Variants in KIFAP3 observed in about 807,000 individuals in gnomAD.
KIFAP3 encodes kinesin associated protein 3.
KIFAP3 carries 68 observed loss-of-function variants against 106.5 expected under a neutral mutation model. The ratio of observed to expected loss-of-function variants is 0.64; its 90% confidence interval spans 0.53 to 0.78. The LOEUF is 0.78. KIFAP3 is among the 30% of genes least tolerant of loss of function. KIFAP3 has a pLI of 0.00. For synonymous variants in KIFAP3, 320 were observed against 311.5 expected (o/e 1.03, Z -0.29); for missense variants, 780 against 941.8 (o/e 0.83, Z 2.25).
At chr1:170,065,357 T>C (rs892499612) in intron 1 of KIFAP3, among the ~76,000 whole-genome samples, 1 of 152,050 alleles carries the variant, frequency 6.6e-6, no homozygotes, top group African/African-American at 2.4e-5. Context: ...CTCACGCCTG[T>C]AATCCCAGCA....
Position 169,961,136 on chromosome 1 carries a change from T to G in KIFAP3, c.2083A>C (p.Ser695Arg). The G allele has an allele frequency of 6.2e-7, 1 of 1,613,754 alleles. No homozygotes were observed. Among genetic ancestry groups the G allele is most frequent in the Non-Finnish European group, 8.5e-7 (1 of 1,179,752 alleles). Reference sequence around the variant, plus strand: ...TCATCACCATACAAGTACTGCTCACTCTCATCCATCTGACGACTCTCTACC... The same window carrying G: ...TCATCACCATACAAGTACTGCTCACGCTCATCCATCTGACGACTCTCTACC... ...EMVESRQMDE[S>R]EQYLYGDDRI... The change falls in exon 18 of 20, where the codon AGT becomes CGT. Residue 695 changes from serine to arginine, a missense_variant. Physicochemically the swap from Ser to Arg is moderately radical, Grantham distance 110 (BLOSUM62 -1). This residue lies in a region of KIFAP3 where 114 missense variants were observed against 122.3 expected (regional missense o/e 0.93). Transcript: ENST00000361580.
intron 11 of KIFAP3, 104 bp from the exon 12 acceptor site, chr1:169,984,794 G>A: frequency 1.7e-6 from 1 of 580,998 alleles, no homozygotes; most frequent in South Asian, 2.5e-5. Context: ...TTGTACATTG[G>A]GCATAATATA....
chr1:169,973,105 G>GTGTATATATATATATA (rs145406203), intron 16 of KIFAP3, among the ~76,000 whole-genome samples: 21,228 of 89,748 alleles, frequency 0.24, 3,971 homozygotes, highest in East Asian at 0.61. Context: ...AAAATAGTGT[G>GTGTATATATATATATA]TATATATATA....
intron 19 of KIFAP3, among the ~76,000 whole-genome samples, chr1:169,941,655 A>T (rs1664125791): frequency 6.6e-6 from 1 of 152,162 alleles, no homozygotes; most frequent in Non-Finnish European, 1.5e-5. Flanking sequence ...TAATATAAAT[A>T]TACAATAAAA....
At chr1:170,075,767 C>A (rs1571780237), upstream of KIFAP3, among the ~76,000 whole-genome samples, 1 of 152,284 alleles carries the variant, frequency 6.6e-6, no homozygotes, top group East Asian at 1.9e-4. Context: ...CTGTATCATG[C>A]CCTCTTACTA....
At chr1:169,943,902 T>C (rs566940382) in intron 19 of KIFAP3, among the ~76,000 whole-genome samples, 42 of 152,340 alleles carry the variant, frequency 2.8e-4, no homozygotes, top group African/African-American at 9.6e-4. Flanking sequence ...ATAATTGACA[T>C]GTTAACATTT....
intron 15 of KIFAP3, 113 bp downstream of exon 15, chr1:169,981,859 G>C: frequency 1.2e-6 from 1 of 831,146 alleles, no homozygotes; most frequent in Non-Finnish European, 1.8e-6. Context: ...AAGTTGCTAT[G>C]AAACAATTAA....
At chr1:169,936,675 A>C (rs903397652) in intron 19 of KIFAP3, among the ~76,000 whole-genome samples, 4 of 151,720 alleles carry the variant, frequency 2.6e-5, no homozygotes, top group Non-Finnish European at 4.4e-5. Context: ...GTATAAGAAG[A>C]TACTAAAGGT....
At chr1:169,976,790 C>T (rs1000972981) in intron 16 of KIFAP3, among the ~76,000 whole-genome samples, 35 of 152,296 alleles carry the variant, frequency 2.3e-4, no homozygotes, top group African/African-American at 7.7e-4. Flanking sequence ...AATCATAGCT[C>T]ACTGCAGCCT....
At chr1:170,055,696 G>GA (rs968487057) in intron 1 of KIFAP3, among the ~76,000 whole-genome samples, 1 of 151,352 alleles carries the variant, frequency 6.6e-6, no homozygotes, top group Non-Finnish European at 1.5e-5. Context: ...TTCTACCTAA[G>GA]AAAAAAAATA....
rs1361338751 is a variant in KIFAP3, at chr1:169,973,124, A to ATATATATAG, written c.1898-527_1898-526insCTATATATA. Among the ~76,000 whole-genome samples the ATATATATAG allele has an allele frequency of 3.5e-4, 17 of 48,734 alleles. 1 individual carries two copies. Among genetic ancestry groups the ATATATATAG allele is most frequent in the African/African-American group, 8.6e-4 (9 of 10,426 alleles). The allele number at this position is 48,734 out of a possible 152,430, so 32.0% of individuals were successfully genotyped here. A position where few individuals can be genotyped will look rare whatever the true frequency, so the allele number is the denominator to read the frequency against. ...TAGTGTGTATATATATATATATATA[A>ATATATATAG]ACAACACAAATCAGGATTAGAAAAC... On this transcript the variant is annotated intron_variant, in intron 16 of 19. Coordinates refer to ENST00000361580, the MANE Select transcript of KIFAP3 (RefSeq NM_014970.4).
chr1:170,044,625 G>C (rs1670148989), intron 3 of KIFAP3, among the ~76,000 whole-genome samples: 3 of 152,190 alleles, frequency 2.0e-5, no homozygotes, highest in Non-Finnish European at 2.9e-5. Flanking sequence ...GCAGTGCCCA[G>C]AAGAGTTCCA....
chr1:170,010,990 A>G (rs1441778469), intron 10 of KIFAP3, among the ~76,000 whole-genome samples: 3 of 151,990 alleles, frequency 2.0e-5, no homozygotes, highest in Non-Finnish European at 2.9e-5. Context: ...ACTTGAACAT[A>G]TATCAAACAG....
At chr1:169,939,491 A>T (rs1036355246) in intron 19 of KIFAP3, among the ~76,000 whole-genome samples, 3 of 152,208 alleles carry the variant, frequency 2.0e-5, no homozygotes, top group African/African-American at 7.2e-5. Flanking sequence ...TGATAGCATA[A>T]GGAATAAGGA....
chr1:170,054,365 T>C lies in KIFAP3; in HGVS notation c.164+940A>G, dbSNP rs182521769. Reference sequence around the variant, plus strand: ...AGATGCTGCTCAGGCTGTGGAAAAATTGGAATTGGTTTAACTATTGTGGAA... The same window carrying C: ...AGATGCTGCTCAGGCTGTGGAAAAACTGGAATTGGTTTAACTATTGTGGAA... On this transcript the variant is annotated intron_variant, in intron 2 of 19. Transcript: ENST00000361580. Among the ~76,000 whole-genome samples the C allele has an allele frequency of 8.7e-4, 133 of 152,098 alleles. 3 individuals carry two copies. Among genetic ancestry groups the C allele is most frequent in the Non-Finnish European group, 2.5e-4 (17 of 67,970 alleles).
At chr1:170,060,265 C>T (rs1410593118) in intron 1 of KIFAP3, among the ~76,000 whole-genome samples, 1 of 152,162 alleles carries the variant, frequency 6.6e-6, no homozygotes, top group Non-Finnish European at 1.5e-5. Flanking sequence ...TAGAAAACCC[C>T]ATCGTCTCAG....
Position 169,981,972 on chromosome 1 carries a change from C to T in KIFAP3, c.1798G>A (p.Ala600Thr). The change falls in exon 15 of 20, where the codon GCT becomes ACT. Residue 600 changes from alanine to threonine, a missense_variant and splice_region_variant. Transcript: ENST00000361580. ...IIPALIELLN[A>T]QQEDDEFVCQ... is the part of the protein sequence containing the mutation. ...ATAAAAATAAATTAAGGTTATTTAC[C>T]ATTTAGCAATTCAATGAGTGCAGGG... 1 of 1,609,788 alleles carries T rather than the reference C, an allele frequency of 6.2e-7. No homozygotes were observed. The highest frequency in any genetic ancestry group is 8.5e-7 in the Non-Finnish European group (1 of 1,177,454).
At chr1:170,072,195 G>T (rs969667411) in intron 1 of KIFAP3, among the ~76,000 whole-genome samples, 1 of 152,080 alleles carries the variant, frequency 6.6e-6, no homozygotes, top group Non-Finnish European at 1.5e-5. Context: ...TTACTAAAGC[G>T]CTTAAGTCCC....
chr1:170,074,976 A>G (rs372072276), upstream of KIFAP3, among the ~76,000 whole-genome samples: 20 of 152,328 alleles, frequency 1.3e-4, no homozygotes, highest in East Asian at 1.2e-3. Flanking sequence ...GGAGGTTTCT[A>G]TTTGGGGGCC....
Sources: allele counts gnomAD v4.1 joint callset (sites outside exome capture counted in the v4.1 genomes callset), GRCh38; gene constraint gnomAD v4.1.1; regional missense constraint gnomAD v4.1.1; transcripts MANE v1.5; gene names NCBI Gene and HGNC (gene_info 2026-07-23, HGNC 2026-07-21).